RPS14: variants seen among roughly 807,000 people sequenced by gnomAD.
RPS14 encodes the protein small ribosomal subunit protein uS11.
RPS14 carries 1 observed loss-of-function variant against 15.4 expected under a neutral mutation model. The ratio of observed to expected loss-of-function variants is 0.07; its 90% CI spans 0.02 to 0.31. RPS14 has a LOEUF of 0.31. Among genes scored for constraint, RPS14 ranks in the 10% least tolerant of loss-of-function variants. The probability of loss-of-function intolerance (pLI) is 1.00; values close to 1 mark genes in which losing one functional copy is unlikely to be tolerated. For missense variants in RPS14, 69 were observed against 205.5 expected, an observed-to-expected ratio of 0.34 and a Z score of 4.06; for synonymous variants, 68 against 74.4, an observed-to-expected ratio of 0.91 and a Z score of 0.44.
At position 150,446,820 on chromosome 5, in the gene RPS14, C is replaced by T. The variant is rs1771112474; in HGVS notation, c.293G>A (p.Arg98Gln). ...CTCGTACCTATTTCCTCCTGTGGCC[C>T]GGAGTTTGATGTGTAGGGCGGTGAT... is the stretch of plus-strand genomic sequence containing the variant. ...LGITALHIKL[R>Q]ATGGNRTKTP... Residue 98 changes from arginine (R) to glutamine (Q), a missense_variant, in exon 3 of 5, where the codon CGG (arginine) becomes CAG (glutamine). By Grantham distance (43) the Arg-to-Gln change is conservative. Transcript: ENST00000407193. The surrounding 1 kb of genome is among the most constrained non-coding windows in gnomAD (Gnocchi z 4.2). The T allele has an allele frequency of 3.7e-6, 6 of 1,614,106 alleles. No homozygotes were observed. The highest frequency in any genetic ancestry group is 2.2e-5 in the East Asian group (1 of 44,882).
chr5:150,447,269 G>A (rs370945520), intron 2 of RPS14: 17 of 528,510 alleles, frequency 3.2e-5, no homozygotes, highest in East Asian at 2.3e-4. Context: ...GTCACAACTT[G>A]CTAAATGGCC....
intron 4 of RPS14, among the ~76,000 whole-genome samples, chr5:150,445,201 C>A (rs1771057262): frequency 6.6e-6 from 1 of 152,128 alleles, no homozygotes; most frequent in Non-Finnish European, 1.5e-5. Flanking sequence ...AAGCTGGTAC[C>A]CCCCACTTCA....
chr5:150,445,765 G>T (rs997954135), intron 3 of RPS14, 80 bp from the exon 4 acceptor site: 9 of 1,110,098 alleles, frequency 8.1e-6, no homozygotes, highest in Non-Finnish European at 1.1e-5. Context: ...CCAACACCCC[G>T]CTAGTTCAGA....
chr5:150,447,805 T>C (rs1432989291), intron 1 of RPS14, 70 bp from the exon 2 acceptor site: 7 of 1,510,340 alleles, frequency 4.6e-6, no homozygotes, highest in Non-Finnish European at 6.4e-6. Flanking sequence ...CCCTGGCTAT[T>C]AAATGAAACC....
rs1017353845 is a variant in RPS14 at position 150,443,116 on chromosome 5, A to G, written c.*1170T>C. ...CCTTAATCTCCTGTCCTTGACTTTC[A>G]TGACTTTTAACAATTTAAGGAGTAC... is the stretch of plus-strand genomic sequence containing the variant. On this transcript the variant is annotated 3_prime_UTR_variant, in exon 5 of 5. Transcript: ENST00000407193. 5 of 151,840 alleles carry G rather than the reference A, an allele frequency of 3.3e-5. No individual in the cohort carries two copies. The highest frequency in any genetic ancestry group is 7.3e-5 in the African/African-American group (3 of 41,346). 9.4% of individuals were successfully genotyped at this position (151,840 alleles called of 1,614,324 possible).
Position 150,443,862 on chromosome 5 carries a change from T to C in RPS14, c.*424A>G, listed in dbSNP as rs997909189. The C allele has an allele frequency of 3.3e-5, 5 of 153,422 alleles. No individual in the cohort carries two copies. Among genetic ancestry groups the C allele is most frequent in the African/African-American group, 9.6e-5 (4 of 41,486 alleles). The allele number at this position is 153,422 out of a possible 1,614,324, so 9.5% of individuals were successfully genotyped here. On this transcript the variant is annotated 3_prime_UTR_variant, in exon 5 of 5. Coordinates refer to ENST00000407193, the MANE Select transcript of RPS14 (RefSeq NM_005617.4). ...CCAAGTGAAAAAAAGCAAGACGCAGTGGAGTGAGCTCCCAGCTTTGCACAG... is the reference window on the plus strand; with the variant it reads ...CCAAGTGAAAAAAAGCAAGACGCAGCGGAGTGAGCTCCCAGCTTTGCACAG...
chr5:150,448,080 A>C, intron 1 of RPS14: 1 of 221,288 alleles, frequency 4.5e-6, no homozygotes, highest in Non-Finnish European at 9.1e-6. Context: ...ACCAACAGCT[A>C]CCCATGTACT....
intron 1 of RPS14, 111 bp downstream of exon 1, chr5:150,449,592 T>C (rs576784781): frequency 1.3e-5 from 2 of 152,366 alleles, no homozygotes; most frequent in East Asian, 3.9e-4. Context: ...GCGCGTCTCT[T>C]GCCCGGCACC....
Position 150,445,618 on chromosome 5 carries a change from C to T in RPS14, c.379G>A (p.Gly127Arg). The change falls in exon 4 of 5, where the codon GGG becomes AGG. Residue 127 changes from glycine (G) to arginine (R), a missense_variant. Physicochemically the swap from Gly to Arg is moderately radical, Grantham distance 125 (BLOSUM62 -2). Coordinates refer to ENST00000407193, the MANE Select transcript of RPS14 (RefSeq NM_005617.4). ...AGAGGGGGGCACTTACCAATCCGCC[C>T]GATCTTCATACCCGAGCGGGCAAGG... is the stretch of plus-strand genomic sequence containing the variant. ...RALARSGMKI[G>R]RIEDVTPIPS... 1.2e-6 allele frequency: 2 copies of T among 1,613,254 alleles called. No individual in the cohort carries two copies. The highest frequency in any genetic ancestry group is 1.7e-6 in the Non-Finnish European group (2 of 1,179,782).
Position 150,446,269 on chromosome 5 carries a change from T to C in RPS14, c.311+533A>G, listed in dbSNP as rs148474659. Among the ~76,000 whole-genome samples the C allele has an allele frequency of 6.6e-6, 1 of 152,066 alleles. No individual in the cohort carries two copies. The highest frequency in any genetic ancestry group is 1.9e-4 in the East Asian group (1 of 5,170). ...CCCCTCTCCTACAGGACTCCACCTC[T>C]TCCCCTCTGACTGCACCTCATGCCA... is the stretch of plus-strand genomic sequence containing the variant. On this transcript the variant is annotated intron_variant, in intron 3 of 4. Coordinates refer to ENST00000407193, the MANE Select transcript of RPS14 (RefSeq NM_005617.4). The surrounding 1 kb of genome is among the most constrained non-coding windows in gnomAD (Gnocchi z 4.2).
chr5:150,447,832 T>A (rs1771148554), intron 1 of RPS14, 97 bp from the exon 2 acceptor site: 1 of 1,316,326 alleles, frequency 7.6e-7, no homozygotes, highest in Admixed American at 2.0e-5. Context: ...CTGCTTCATG[T>A]CCCTGTCTTC....
rs1443383299 is a variant in RPS14 at position 150,446,144 on chromosome 5, C to G, written c.312-459G>C. On this transcript the variant is annotated intron_variant, in intron 3 of 4. Coordinates refer to ENST00000407193, the MANE Select transcript of RPS14 (RefSeq NM_005617.4). This position sits in a 1 kb window ranked among gnomAD's most constrained non-coding sequence, Gnocchi z 4.2. ...AGTAAATATTTTAGGCTGAGGGGGC[C>G]ACTATGGTTTGTTGTTATGTTCTGA... 6.6e-6 allele frequency among the ~76,000 whole-genome samples: 1 copy of G among 151,968 alleles called. No homozygotes were observed. The highest frequency in any genetic ancestry group is 1.9e-4 in the East Asian group (1 of 5,192).
At position 150,446,034 on chromosome 5, in the gene RPS14, G is replaced by A. The variant is rs190610157; in HGVS notation, c.312-349C>T. Among the ~76,000 whole-genome samples the A allele has an allele frequency of 2.8e-4, 43 of 152,130 alleles. No individual in the cohort carries two copies. The highest frequency in any genetic ancestry group is 1.8e-3 in the Admixed American group (27 of 15,282). ...TAGAGCCTGAAAGCCAGAGACTGCA[G>A]TAAGCTGAGATAGCGCCACTGCACT... is the stretch of plus-strand genomic sequence containing the variant. On this transcript the variant is annotated intron_variant, in intron 3 of 4. Coordinates refer to ENST00000407193, the MANE Select transcript of RPS14 (RefSeq NM_005617.4). This position sits in a 1 kb window ranked among gnomAD's most constrained non-coding sequence, Gnocchi z 4.2.
At chr5:150,447,771 C>T in intron 1 of RPS14, 36 bp from the exon 2 acceptor site, 1 of 1,602,948 alleles carries the variant, frequency 6.2e-7, no homozygotes, top group Non-Finnish European at 8.5e-7. Flanking sequence ...GGTTAACAGA[C>T]AAAACATTTC....
rs1770972831 is a variant in RPS14, at chr5:150,442,755, G to A, written c.*1531C>T. The A allele has an allele frequency of 6.6e-6, 1 of 152,150 alleles. No homozygotes were observed. The allele number at this position is 152,150 out of a possible 1,614,324, so 9.4% of individuals were successfully genotyped here. A position where few individuals can be genotyped will look rare whatever the true frequency, so the allele number is the denominator to read the frequency against. On this transcript the variant is annotated 3_prime_UTR_variant, in exon 5 of 5. Coordinates refer to ENST00000407193, the MANE Select transcript of RPS14 (RefSeq NM_005617.4). ...TGCTCTGTGACCCAGGCTGAATGTA[G>A]TGATGCAATCACAGCTCACTGCGGC... is the stretch of plus-strand genomic sequence containing the variant.
At chr5:150,445,543 A>C in intron 4 of RPS14, 66 bp downstream of exon 4, 5 of 1,436,420 alleles carry the variant, frequency 3.5e-6, no homozygotes, top group African/African-American at 1.4e-5. Flanking sequence ...CACTGGGCAC[A>C]GCACGTGCTT....
At position 150,446,775 on chromosome 5, in the gene RPS14, CCCAGCCAT is replaced by C; in HGVS notation, c.311+19_311+26del. The C allele has an allele frequency of 6.2e-7, 1 of 1,605,144 alleles. No homozygotes were observed. ...CCCAAGCCCAGCAGGTTTTCTACCA[CCCAGCCAT>C]CCCCTCTGCGACTCGTACCTATTTC... On this transcript the variant is annotated intron_variant, in intron 3 of 4. Transcript: ENST00000407193. This position sits in a 1 kb window ranked among gnomAD's most constrained non-coding sequence, Gnocchi z 4.2.
chr5:150,444,598 G>C, intron 4 of RPS14: 1 of 665,572 alleles, frequency 1.5e-6, no homozygotes, highest in Non-Finnish European at 2.8e-6. Context: ...GATGTCAGAG[G>C]CACAGGACAA....
intron 1 of RPS14, chr5:150,449,020 G>C (rs1469286662): frequency 6.6e-6 from 1 of 152,218 alleles, no homozygotes; most frequent in African/African-American, 2.4e-5. Context: ...GTTTCGGCAT[G>C]ATGGCCATTC....
Sources: allele counts gnomAD v4.1 joint callset (sites outside exome capture counted in the v4.1 genomes callset), GRCh38; gene constraint gnomAD v4.1.1; non-coding constraint Gnocchi (gnomAD v3.1); transcripts MANE v1.5; gene names NCBI Gene and HGNC (gene_info 2026-07-23, HGNC 2026-07-21).